Variants in SYT14 observed in about 807,000 individuals in gnomAD.
The protein encoded by SYT14 is synaptotagmin-14.
A neutral mutation model predicts 74.2 loss-of-function variants in SYT14; 32 were observed. The observed-to-expected ratio is 0.43, with a 90% CI of 0.33 to 0.58. The LOEUF (loss-of-function observed/expected upper bound fraction) is 0.58. Ranked by LOEUF, SYT14 falls within the 20% of genes least tolerant of loss-of-function variation. The pLI is 0.05. For synonymous variants in SYT14, 298 were observed against 337.7 expected (o/e 0.88, Z 1.29); for missense variants, 791 against 981.8 (o/e 0.81, Z 2.60).
rs2080193091 is a variant in SYT14 at position 210,016,793 on chromosome 1, G to GA, written c.795dup (p.Cys266MetfsTer3). The GA allele has an allele frequency of 2.4e-6, 3 of 1,231,596 alleles. No homozygotes were observed. The highest frequency in any genetic ancestry group is 3.1e-4 in the Middle Eastern group (1 of 3,226). 76.3% of individuals were successfully genotyped at this position (1,231,596 alleles called of 1,614,324 possible). On this transcript the variant is annotated frameshift_variant, in exon 4 of 10. Transcript: ENST00000637265. LOFTEE classifies it high-confidence loss of function. ...GCATTCAGATCATTTAAAGAAAGCT[G>GA]AAAAATGTGTTAAAAGTAAAGCATC... is the stretch of plus-strand genomic sequence containing the variant.
At chr1:210,005,832 A>G (rs982071144) in intron 2 of SYT14, among the ~76,000 whole-genome samples, 1 of 151,978 alleles carries the variant, frequency 6.6e-6, no homozygotes, top group African/African-American at 2.4e-5. Flanking sequence ...TGGTTTAAAT[A>G]CACTTTATAT....
exon 9 of SYT14, chr1:210,159,462 G>C (rs1032512518): frequency 1.3e-6 from 2 of 1,551,420 alleles, no homozygotes; most frequent in Non-Finnish European, 1.7e-6. Flanking sequence ...AGGTGGACAG[G>C]TTTATATAAT....
chr1:209,965,138 T>C (rs1348916292), intron 2 of SYT14, among the ~76,000 whole-genome samples: 1 of 152,228 alleles, frequency 6.6e-6, no homozygotes, highest in Non-Finnish European at 1.5e-5. Context: ...GATATATTAA[T>C]ATACTGTGTG....
chr1:210,037,209 T>G (rs926063739), intron 5 of SYT14, among the ~76,000 whole-genome samples: 9 of 152,102 alleles, frequency 5.9e-5, no homozygotes, highest in Non-Finnish European at 1.0e-4. Flanking sequence ...TTTTCTAGTA[T>G]GTAAGTGTAG....
chr1:210,002,321 T>G (rs937322253), intron 2 of SYT14, among the ~76,000 whole-genome samples: 7 of 152,036 alleles, frequency 4.6e-5, no homozygotes, highest in African/African-American at 1.7e-4. Context: ...TATTTTTTTC[T>G]TTAAGTTTTA....
intron 5 of SYT14, among the ~76,000 whole-genome samples, chr1:210,081,748 A>G (rs1180786630): frequency 6.6e-6 from 1 of 152,226 alleles, no homozygotes; most frequent in African/African-American, 2.4e-5. Context: ...CATAAGCATC[A>G]TGAACTACCC....
At chr1:209,976,334 G>T (rs1388510160) in intron 2 of SYT14, among the ~76,000 whole-genome samples, 2 of 140,322 alleles carry the variant, frequency 1.4e-5, no homozygotes, top group African/African-American at 2.7e-5. Context: ...TTCTCTTGTG[G>T]GCATTTAGTG....
chr1:210,094,676 T>C lies in SYT14; in HGVS notation c.1584+83T>C, dbSNP rs542561212. 14 of 1,469,140 alleles carry C rather than the reference T, an allele frequency of 9.5e-6. No homozygotes were observed. The South Asian group carries it at 1.6e-4, about 17-fold the overall frequency. The allele number at this position is 1,469,140 out of a possible 1,614,324, so 91.0% of individuals were successfully genotyped here. On this transcript the variant is annotated intron_variant, in intron 6 of 9. Transcript: ENST00000637265. ...GTGCTTCTCCTCTTGGTAAGAAGAA[T>C]TGATTTTATCACTTATTCCTTTGTA...
intron 7 of SYT14, among the ~76,000 whole-genome samples, chr1:210,139,586 A>G (rs2082873597): frequency 1.3e-5 from 2 of 152,080 alleles, no homozygotes; most frequent in African/African-American, 4.8e-5. Context: ...AGCCATCACC[A>G]TGATTTAATT....
At chr1:209,941,794 T>A (rs1308609783) in intron 1 of SYT14, among the ~76,000 whole-genome samples, 2 of 152,222 alleles carry the variant, frequency 1.3e-5, no homozygotes, top group East Asian at 3.8e-4. Context: ...CAGTTGTCCC[T>A]TGGTAACCGT....
chr1:209,978,192 T>C (rs1213553521), intron 2 of SYT14, among the ~76,000 whole-genome samples: 4 of 149,438 alleles, frequency 2.7e-5, no homozygotes, highest in African/African-American at 7.5e-5. Flanking sequence ...TCTGAAGCCT[T>C]CTTCTCTCAA....
chr1:210,051,341 TC>T (rs2080991892), intron 5 of SYT14, among the ~76,000 whole-genome samples: 1 of 152,194 alleles, frequency 6.6e-6, no homozygotes, highest in African/African-American at 2.4e-5. Context: ...TTGCATTAAT[TC>T]TTTTTTGTGG....
At chr1:209,994,248 G>C (rs2079746370) in intron 2 of SYT14, among the ~76,000 whole-genome samples, 1 of 152,148 alleles carries the variant, frequency 6.6e-6, no homozygotes, top group Non-Finnish European at 1.5e-5. Context: ...AAGGAATCCA[G>C]TAAGATGATC....
intron 2 of SYT14, among the ~76,000 whole-genome samples, chr1:209,988,626 CA>C (rs1190523880): frequency 6.6e-6 from 1 of 152,124 alleles, no homozygotes; most frequent in African/African-American, 2.4e-5. Flanking sequence ...TTAGGAGGGG[CA>C]AAACCTGCAT....
At chr1:210,078,660 AC>A (rs2081559997) in intron 5 of SYT14, among the ~76,000 whole-genome samples, 1 of 152,156 alleles carries the variant, frequency 6.6e-6, no homozygotes, top group Non-Finnish European at 1.5e-5. Context: ...AGTCATGAAA[AC>A]ATGTTACCCT....
At chr1:210,001,864 G>A (rs111818700) in intron 2 of SYT14, among the ~76,000 whole-genome samples, 7 of 152,144 alleles carry the variant, frequency 4.6e-5, no homozygotes, top group African/African-American at 1.7e-4. Flanking sequence ...CATCAAGGCC[G>A]ACTGTGGAAT....
At chr1:209,984,101 G>A (rs2079533869) in intron 2 of SYT14, among the ~76,000 whole-genome samples, 1 of 152,208 alleles carries the variant, frequency 6.6e-6, no homozygotes, top group African/African-American at 2.4e-5. Context: ...GCCTGAGGCA[G>A]CCAAAACAAA....
At chr1:210,009,059 A>G (rs2080039901) in intron 2 of SYT14, among the ~76,000 whole-genome samples, 1 of 152,176 alleles carries the variant, frequency 6.6e-6, no homozygotes, top group Admixed American at 6.5e-5. Flanking sequence ...GATTTTAACA[A>G]AGTTTACAAA....
intron 5 of SYT14, among the ~76,000 whole-genome samples, chr1:210,032,272 A>G (rs560022010): frequency 6.6e-5 from 10 of 152,196 alleles, no homozygotes; most frequent in South Asian, 6.2e-4. Context: ...AGCTGCTTCC[A>G]TAGCCTTAGG....
Sources: gnomAD v4.1 joint callset for allele counts (sites outside exome capture counted in the v4.1 genomes callset) on GRCh38, gnomAD v4.1.1 for gene constraint, MANE v1.5 for transcripts, NCBI Gene and HGNC (gene_info 2026-07-23, HGNC 2026-07-21) for gene names.